The following SDHB variants were observed in gnomAD, a reference collection of about 807,000 sequenced individuals.
The protein encoded by SDHB is succinate dehydrogenase complex iron sulfur subunit B.
Under a neutral mutation model 39.7 loss-of-function variants are expected in SDHB, and 21 were observed. The ratio of observed to expected loss-of-function variants is 0.53; its 90% CI spans 0.37 to 0.76. SDHB has a LOEUF of 0.76. Among genes scored for constraint, SDHB ranks in the 30% least tolerant of loss-of-function variants. SDHB has a pLI of 0.00. For synonymous variants in SDHB, 118 were observed against 117.0 expected (o/e 1.01, Z -0.06); for missense variants, 343 against 350.9 (o/e 0.98, Z 0.18).
chr1:17,032,774 AG>A (rs1437142044), intron 3 of SDHB: 2 of 475,504 alleles, frequency 4.2e-6, no homozygotes, highest in Non-Finnish European at 7.7e-6. Flanking sequence ...GGTGCCAGCC[AG>A]CAGGTCCTAG....
intron 2 of SDHB, among the ~76,000 whole-genome samples, chr1:17,041,877 T>C (rs2078081933): frequency 6.6e-6 from 1 of 152,042 alleles, no homozygotes; most frequent in Non-Finnish European, 1.5e-5. Flanking sequence ...TCCTAGTGGT[T>C]GTGGAAGGCC....
At chr1:17,047,099 G>A (rs1183692879) in intron 1 of SDHB, among the ~76,000 whole-genome samples, 1 of 152,160 alleles carries the variant, frequency 6.6e-6, no homozygotes, top group African/African-American at 2.4e-5. Context: ...GCTCACACCT[G>A]TATCCCAGTA....
intron 7 of SDHB, among the ~76,000 whole-genome samples, chr1:17,019,768 G>A (rs2077950719): frequency 6.6e-6 from 1 of 152,082 alleles, no homozygotes; most frequent in South Asian, 2.1e-4. Context: ...TTTTGACAGG[G>A]TCTTGCTCTG....
In SDHB at chr1:17,042,195, T is replaced by C. The variant is rs80032260; in HGVS notation, c.200+2566A>G. ...CCAATGCACCCAGTCGGATTGTGGT[T>C]TTCCATCCAACTGTTAGTCCCGTTA... On this transcript the variant is annotated intron_variant, in intron 2 of 7. Coordinates refer to ENST00000375499, the MANE Select transcript of SDHB (RefSeq NM_003000.3). Among the ~76,000 whole-genome samples, 530 of 152,328 alleles carry C rather than the reference T, an allele frequency of 3.5e-3. 9 individuals carry two copies. Among genetic ancestry groups the C allele is most frequent in the African/African-American group, 0.012 (512 of 41,560 alleles).
At chr1:17,020,898 A>G (rs931799626) in intron 7 of SDHB, among the ~76,000 whole-genome samples, 4 of 152,232 alleles carry the variant, frequency 2.6e-5, no homozygotes, top group Admixed American at 2.0e-4. Context: ...CAGGCAAAAA[A>G]TAAGTGAATT....
At chr1:17,025,977 A>G (rs778255463) in intron 5 of SDHB, among the ~76,000 whole-genome samples, 14 of 152,218 alleles carry the variant, frequency 9.2e-5, no homozygotes, top group Admixed American at 1.3e-4. Flanking sequence ...TGTAAGGCAA[A>G]TATTCCAAAA....
At chr1:17,041,100 AG>A (rs2078077661) in intron 2 of SDHB, among the ~76,000 whole-genome samples, 1 of 152,170 alleles carries the variant, frequency 6.6e-6, no homozygotes, top group Admixed American at 6.5e-5. Context: ...ACTGCACTCC[AG>A]CCTGGATGAC....
At chr1:17,029,583 G>A (rs759453274) in intron 3 of SDHB, among the ~76,000 whole-genome samples, 10 of 151,908 alleles carry the variant, frequency 6.6e-5, no homozygotes, top group Non-Finnish European at 1.3e-4. Flanking sequence ...GGTGGCTCAC[G>A]CCTGGAAACC....
Position 17,018,919 on chromosome 1 carries a change from T to C in SDHB, c.805A>G (p.Met269Val), listed in dbSNP as rs749612417. The change falls in exon 8 of 8, where the codon ATG becomes GTG. Residue 269 changes from methionine to valine, a missense_variant. Physicochemically the swap from Met to Val is conservative, Grantham distance 21. Transcript: ENST00000375499. ...TTCTTCTCCTTATAGGTTGCCATCA[T>C]TTTCTTGATCTCTGCAATAGCTTTC... is the stretch of plus-strand genomic sequence containing the variant. ...PGKAIAEIKK[M>V]MATYKEKKAS... is the part of the protein sequence containing the mutation. 1 of 1,613,214 alleles carries C rather than the reference T, an allele frequency of 6.2e-7. No homozygotes were observed. Among genetic ancestry groups the C allele is most frequent in the East Asian group, 2.2e-5 (1 of 44,864 alleles).
At chr1:17,027,493 T>TG (rs1243876427) in intron 5 of SDHB, among the ~76,000 whole-genome samples, 1 of 152,052 alleles carries the variant, frequency 6.6e-6, no homozygotes, top group African/African-American at 2.4e-5. Flanking sequence ...TTGAAAAAGA[T>TG]GGAGTAGCCA....
rs182777800 is a variant in SDHB, at chr1:17,050,206, A to T, written c.72+3742T>A. 5.0e-3 allele frequency among the ~76,000 whole-genome samples: 755 copies of T among 152,340 alleles called. 6 individuals are homozygous for T. Among genetic ancestry groups the T allele is most frequent in the African/African-American group, 0.017 (691 of 41,586 alleles). Reference sequence around the variant, plus strand: ...ATTTAAATTTTTAAAAAGTCTTATCATATGAATGATGTGAAATAAGAGCAA... The same window carrying T: ...ATTTAAATTTTTAAAAAGTCTTATCTTATGAATGATGTGAAATAAGAGCAA... On this transcript the variant is annotated intron_variant, in intron 1 of 7. Transcript: ENST00000375499.
At chr1:17,038,481 T>TA (rs2078061975) in intron 2 of SDHB, among the ~76,000 whole-genome samples, 1 of 152,252 alleles carries the variant, frequency 6.6e-6, no homozygotes, top group Admixed American at 6.5e-5. Context: ...ATTTTCTATG[T>TA]AAACAATCAT....
rs568058723 is a variant in SDHB, at chr1:17,040,740, A to G, written c.200+4021T>C. On this transcript the variant is annotated intron_variant, in intron 2 of 7. Coordinates refer to ENST00000375499, the MANE Select transcript of SDHB (RefSeq NM_003000.3). ...CAGCTTCCCAAAGTGCTGGGATTAC[A>G]GACATGAGCCACCATGCCTGCCCTA... Among the ~76,000 whole-genome samples the G allele has an allele frequency of 2.0e-3, 308 of 152,240 alleles. 1 individual carries two copies. The highest frequency in any genetic ancestry group is 2.9e-3 in the Non-Finnish European group (200 of 68,022).
intron 2 of SDHB, among the ~76,000 whole-genome samples, chr1:17,039,648 A>G (rs2078069051): frequency 1.3e-5 from 2 of 152,064 alleles, no homozygotes; most frequent in South Asian, 4.1e-4. Flanking sequence ...CTCTAGAATT[A>G]TACTTTACAT....
chr1:17,036,655 T>C (rs1215272656), intron 2 of SDHB, among the ~76,000 whole-genome samples: 1 of 148,582 alleles, frequency 6.7e-6, no homozygotes. Flanking sequence ...GGCTTTTTTC[T>C]AGGTAAGCAG....
chr1:17,027,929 G>A (rs2078000841), intron 4 of SDHB, 64 bp from the exon 5 acceptor site: 3 of 990,006 alleles, frequency 3.0e-6, no homozygotes, highest in African/African-American at 3.2e-5. Context: ...CATCACCTCA[G>A]CTTTATTTAC....
intron 7 of SDHB, among the ~76,000 whole-genome samples, chr1:17,020,799 G>T (rs1398073348): frequency 6.6e-6 from 1 of 152,178 alleles, no homozygotes; most frequent in Non-Finnish European, 1.5e-5. Context: ...CCACAGTCCT[G>T]GGGACAGGAC....
chr1:17,049,119 C>T (rs1363383898), intron 1 of SDHB, among the ~76,000 whole-genome samples: 1 of 152,148 alleles, frequency 6.6e-6, no homozygotes, highest in African/African-American at 2.4e-5. Context: ...CCTGACTCAG[C>T]CTCCCAAGTA....
chr1:17,046,115 A>T (rs1419268493), intron 1 of SDHB, among the ~76,000 whole-genome samples: 2 of 152,226 alleles, frequency 1.3e-5, no homozygotes, highest in Admixed American at 1.3e-4. Context: ...CTAACAGTAG[A>T]AAAGAAGAAA....
Sources: gnomAD v4.1 joint callset for allele counts (sites outside exome capture counted in the v4.1 genomes callset) on GRCh38, gnomAD v4.1.1 for gene constraint, MANE v1.5 for transcripts, NCBI Gene and HGNC (gene_info 2026-07-23, HGNC 2026-07-21) for gene names.